Variants in TAFA1 observed in about 807,000 individuals in gnomAD.
The protein encoded by TAFA1 is chemokine-like protein TAFA-1.
A neutral mutation model predicts 18.5 loss-of-function variants in TAFA1; 4 were observed. That is an observed-to-expected ratio of 0.22 (90% CI 0.11 to 0.49). The LOEUF (loss-of-function observed/expected upper bound fraction) is 0.49. Among genes scored for constraint, TAFA1 ranks in the 20% least tolerant of loss-of-function variants. The pLI is 0.98. For synonymous variants in TAFA1, 56 were observed against 55.2 expected (o/e 1.01, Z -0.06); for missense variants, 147 against 169.0 (o/e 0.87, Z 0.72).
At chr3:68,315,940 G>A (rs2068598471) in intron 2 of TAFA1, among the ~76,000 whole-genome samples, 1 of 152,216 alleles carries the variant, frequency 6.6e-6, no homozygotes, top group Non-Finnish European at 1.5e-5. Context: ...TGAGGTCTGT[G>A]AAGAGGAAGG....
chr3:68,404,918 T>C (rs2070567991), intron 2 of TAFA1, among the ~76,000 whole-genome samples: 1 of 152,222 alleles, frequency 6.6e-6, no homozygotes, highest in African/African-American at 2.4e-5. Flanking sequence ...CAGCCACTTC[T>C]TCCTTGAGTA....
chr3:68,147,045 A>G (rs1019559301), intron 2 of TAFA1, among the ~76,000 whole-genome samples: 5 of 150,260 alleles, frequency 3.3e-5, no homozygotes, highest in Non-Finnish European at 7.4e-5. Context: ...GTGTGTATAT[A>G]TATATATATA....
chr3:68,181,565 G>T (rs13067772), intron 2 of TAFA1, among the ~76,000 whole-genome samples: 20,707 of 152,054 alleles, frequency 0.14, 1,693 homozygotes, highest in Middle Eastern at 0.2. Flanking sequence ...GTTGCTAATA[G>T]GGTAATTATT....
intron 2 of TAFA1, among the ~76,000 whole-genome samples, chr3:68,082,927 C>A (rs528676541): frequency 6.6e-6 from 1 of 152,338 alleles, no homozygotes; most frequent in East Asian, 1.9e-4. Context: ...CTTGGTTTAT[C>A]CACTTCTCCA....
chr3:68,377,644 C>T (rs2069844384), intron 2 of TAFA1, among the ~76,000 whole-genome samples: 1 of 152,136 alleles, frequency 6.6e-6, no homozygotes, highest in African/African-American at 2.4e-5. Context: ...TGTTAATCGC[C>T]AACACAATGG....
intron 2 of TAFA1, among the ~76,000 whole-genome samples, chr3:68,087,407 G>A (rs1279370115): frequency 6.6e-6 from 1 of 152,010 alleles, no homozygotes; most frequent in African/African-American, 2.4e-5. Flanking sequence ...GTTAATACAA[G>A]TAATACATTT....
At chr3:68,343,069 G>A (rs999365169) in intron 2 of TAFA1, among the ~76,000 whole-genome samples, 1 of 152,068 alleles carries the variant, frequency 6.6e-6, no homozygotes, top group Non-Finnish European at 1.5e-5. Flanking sequence ...GATTACCTGG[G>A]GAATTGGATG....
intron 3 of TAFA1, among the ~76,000 whole-genome samples, chr3:68,519,461 G>C (rs1488421230): frequency 6.6e-6 from 1 of 152,170 alleles, no homozygotes; most frequent in Non-Finnish European, 1.5e-5. Context: ...AATTGTTAAT[G>C]ATTACCTCAT....
intron 2 of TAFA1, among the ~76,000 whole-genome samples, chr3:68,135,636 T>C (rs1373105071): frequency 6.6e-6 from 1 of 152,256 alleles, no homozygotes; most frequent in Non-Finnish European, 1.5e-5. Context: ...GTGCTTGTAA[T>C]ACAATAGATG....
intron 2 of TAFA1, among the ~76,000 whole-genome samples, chr3:68,258,269 A>AAT (rs749196083): frequency 1.3e-5 from 2 of 152,160 alleles, no homozygotes; most frequent in Non-Finnish European, 2.9e-5. Context: ...GTAAATCTAA[A>AAT]ATATTTCAAA....
intron 2 of TAFA1, among the ~76,000 whole-genome samples, chr3:68,327,801 C>G (rs1323144420): frequency 1.3e-5 from 2 of 152,112 alleles, no homozygotes; most frequent in Non-Finnish European, 2.9e-5. Flanking sequence ...GAAGGCTTTT[C>G]AAATGGATTA....
intron 2 of TAFA1, among the ~76,000 whole-genome samples, chr3:68,329,261 T>G (rs527420404): frequency 1.6e-4 from 20 of 128,872 alleles, no homozygotes; most frequent in African/African-American, 6.2e-4. Flanking sequence ...AGAGACGGGG[T>G]TTCACCACGT....
chr3:68,091,316 A>G (rs1575611668), intron 2 of TAFA1, among the ~76,000 whole-genome samples: 1 of 152,308 alleles, frequency 6.6e-6, no homozygotes, highest in South Asian at 2.1e-4. Context: ...CAAATGGTAT[A>G]TCTTAAAGTT....
At chr3:68,063,905 A>C (rs766501245) in intron 2 of TAFA1, among the ~76,000 whole-genome samples, 51 of 152,224 alleles carry the variant, frequency 3.4e-4, no homozygotes, top group Non-Finnish European at 6.3e-4. Flanking sequence ...GTAAATAAAA[A>C]GATTACCCAC....
At chr3:68,388,529 G>A (rs1250524520) in intron 2 of TAFA1, among the ~76,000 whole-genome samples, 1 of 151,106 alleles carries the variant, frequency 6.6e-6, no homozygotes, top group Non-Finnish European at 1.5e-5. Context: ...TTCCATTTTT[G>A]CTGTATTCAG....
At chr3:68,396,497 T>C (rs1010294030) in intron 2 of TAFA1, among the ~76,000 whole-genome samples, 4 of 152,180 alleles carry the variant, frequency 2.6e-5, no homozygotes, top group African/African-American at 9.7e-5. Flanking sequence ...CTATACTATA[T>C]CTTCTTTGGT....
chr3:68,475,809 T>C (rs1320876799), intron 3 of TAFA1, among the ~76,000 whole-genome samples: 2 of 151,856 alleles, frequency 1.3e-5, no homozygotes, highest in Non-Finnish European at 2.9e-5. Context: ...CTCCACATCC[T>C]CTCCAGCACC....
intron 2 of TAFA1, among the ~76,000 whole-genome samples, chr3:68,209,917 T>C (rs796406091): frequency 1.4e-4 from 22 of 152,052 alleles, no homozygotes; most frequent in African/African-American, 5.3e-4. Context: ...GTAGCTGAAA[T>C]TGTGGGCCTA....
intron 2 of TAFA1, among the ~76,000 whole-genome samples, chr3:68,079,942 G>A (rs1038343156): frequency 2.0e-5 from 3 of 151,826 alleles, no homozygotes; most frequent in Non-Finnish European, 4.4e-5. Context: ...TAATGTGTGG[G>A]AGTCTAAGTC....
Sources: gnomAD v4.1 joint callset for allele counts (sites outside exome capture counted in the v4.1 genomes callset) on GRCh38, gnomAD v4.1.1 for gene constraint, MANE v1.5 for transcripts, NCBI Gene and HGNC (gene_info 2026-07-23, HGNC 2026-07-21) for gene names.